Variants in RXFP2 observed in about 807,000 individuals in gnomAD.
The protein encoded by RXFP2 is relaxin family peptide receptor 2.
In RXFP2, 68 loss-of-function variants were observed where a neutral mutation model predicts 88.6. The observed-to-expected ratio is 0.77, with a 90% CI of 0.63 to 0.94. The LOEUF (loss-of-function observed/expected upper bound fraction) is 0.94, where lower values mean the gene tolerates loss of function less well. Among genes scored for constraint, RXFP2 ranks in the 40% least tolerant of loss-of-function variants. The probability of loss-of-function intolerance (pLI) is 0.00; values close to 1 mark genes in which losing one functional copy is unlikely to be tolerated. For synonymous variants in RXFP2, 329 were observed against 306.8 expected (o/e 1.07, Z -0.76); for missense variants, 791 against 893.9 (o/e 0.88, Z 1.47).
chr13:31,765,679 A>G (rs979365582), intron 4 of RXFP2, among the ~76,000 whole-genome samples: 5 of 152,146 alleles, frequency 3.3e-5, no homozygotes, highest in African/African-American at 1.2e-4. Flanking sequence ...TTGGTTTGTT[A>G]ATGCACCCAC....
intron 3 of RXFP2, among the ~76,000 whole-genome samples, chr13:31,762,884 G>A (rs1872365026): frequency 6.6e-6 from 1 of 152,066 alleles, no homozygotes; most frequent in Non-Finnish European, 1.5e-5. Flanking sequence ...TATAGAATGG[G>A]AAATCATCAT....
At chr13:31,751,408 A>G (rs1167044966) in intron 1 of RXFP2, among the ~76,000 whole-genome samples, 3 of 152,210 alleles carry the variant, frequency 2.0e-5, no homozygotes, top group Non-Finnish European at 2.9e-5. Context: ...GGAAGGCTTT[A>G]CTATAGGAAA....
At chr13:31,756,127 C>T (rs1185043603) in intron 1 of RXFP2, among the ~76,000 whole-genome samples, 1 of 152,152 alleles carries the variant, frequency 6.6e-6, no homozygotes, top group African/African-American at 2.4e-5. Flanking sequence ...GTTGCCTAAA[C>T]TCCAACCCCT....
chr13:31,774,776 G>A (rs1404288191), intron 6 of RXFP2, 85 bp downstream of exon 6: 3 of 795,008 alleles, frequency 3.8e-6, no homozygotes, highest in East Asian at 2.4e-5. Flanking sequence ...GGCTCGACTT[G>A]ATTGTAGGGA....
chr13:31,747,787 T>A (rs9594369), intron 1 of RXFP2, among the ~76,000 whole-genome samples: 52,203 of 152,054 alleles, frequency 0.34, 10,075 homozygotes, highest in Admixed American at 0.45. Context: ...CATAGAGGTA[T>A]GTGCAAGATG....
At chr13:31,771,396 G>C (rs1451591319) in intron 5 of RXFP2, among the ~76,000 whole-genome samples, 1 of 152,210 alleles carries the variant, frequency 6.6e-6, no homozygotes, top group Non-Finnish European at 1.5e-5. Context: ...ACACTATTGT[G>C]AACTGCACAT....
intron 2 of RXFP2, 54 bp downstream of exon 2, chr13:31,758,458 A>C (rs1390927890): frequency 2.5e-6 from 4 of 1,590,516 alleles, no homozygotes; most frequent in East Asian, 2.2e-5. Flanking sequence ...ACACCCCAAA[A>C]CTGTGGGTCG....
At chr13:31,788,011 C>G (rs945420057) in intron 13 of RXFP2, among the ~76,000 whole-genome samples, 1 of 152,102 alleles carries the variant, frequency 6.6e-6, no homozygotes, top group African/African-American at 2.4e-5. Context: ...CCAACTTACA[C>G]AAAGCATTGT....
intron 3 of RXFP2, among the ~76,000 whole-genome samples, chr13:31,763,322 C>A (rs1033829933): frequency 7.2e-5 from 11 of 152,008 alleles, no homozygotes; most frequent in Non-Finnish European, 1.0e-4. Context: ...TGGGCTCAAG[C>A]AGTCCACCCA....
intron 3 of RXFP2, among the ~76,000 whole-genome samples, chr13:31,764,630 T>C (rs1872466521): frequency 6.6e-6 from 1 of 152,202 alleles, no homozygotes; most frequent in Non-Finnish European, 1.5e-5. Context: ...ATGAATCTGA[T>C]TTTAAACAAT....
chr13:31,742,148 G>A (rs1871245588), intron 1 of RXFP2, among the ~76,000 whole-genome samples: 1 of 152,122 alleles, frequency 6.6e-6, no homozygotes, highest in Non-Finnish European at 1.5e-5. Context: ...AAAAACATGG[G>A]CTTATGTAAG....
At chr13:31,759,062 G>T (rs1872122394) in intron 2 of RXFP2, among the ~76,000 whole-genome samples, 1 of 135,746 alleles carries the variant, frequency 7.4e-6, no homozygotes, top group African/African-American at 2.7e-5. Flanking sequence ...AAAAAAAAAT[G>T]CATAAAGTGT....
chr13:31,787,407 C>T (rs183766438), intron 13 of RXFP2, among the ~76,000 whole-genome samples: 1 of 152,284 alleles, frequency 6.6e-6, no homozygotes, highest in East Asian at 1.9e-4. Context: ...GATCTGGTCC[C>T]TATTCTTAAG....
At chr13:31,757,352 T>C (rs969625824) in intron 1 of RXFP2, among the ~76,000 whole-genome samples, 1 of 152,050 alleles carries the variant, frequency 6.6e-6, no homozygotes, top group Non-Finnish European at 1.5e-5. Context: ...ACTTCCCTAA[T>C]CCCAAAACAT....
At chr13:31,752,983 A>G (rs1871741028) in intron 1 of RXFP2, among the ~76,000 whole-genome samples, 1 of 152,190 alleles carries the variant, frequency 6.6e-6, no homozygotes, top group South Asian at 2.1e-4. Flanking sequence ...GGCAATTTCT[A>G]TAGCCCCTCT....
intron 17 of RXFP2, 31 bp downstream of exon 17, chr13:31,797,450 T>C (rs921289311): frequency 1.3e-6 from 2 of 1,510,856 alleles, no homozygotes; most frequent in Admixed American, 1.7e-5. Context: ...CCAAGTATAA[T>C]ACATCGTGCC....
rs529950955 is a variant in RXFP2, at chr13:31,786,422, C to T, written c.969C>T (p.His323=). 1.2e-6 allele frequency: 2 copies of T among 1,609,758 alleles called. No homozygotes were observed. The highest frequency in any genetic ancestry group is 2.2e-5 in the East Asian group (1 of 44,830). The change falls in exon 12 of 18, where the codon CAC becomes CAT. Residue 323 remains histidine, a synonymous_variant. Coordinates refer to ENST00000298386, the MANE Select transcript of RXFP2 (RefSeq NM_130806.5). ...ATACGATAACGGAACTATCACCTCACCTTTTTAAAGACTTGAAGCTTCTAC... is the reference window on the plus strand; with the variant it reads ...ATACGATAACGGAACTATCACCTCATCTTTTTAAAGACTTGAAGCTTCTAC... ...SSNTITELSP[H]LFKDLKLLQK...
At chr13:31,794,302 TATC>T (rs760719177) in intron 16 of RXFP2, among the ~76,000 whole-genome samples, 6 of 151,968 alleles carry the variant, frequency 3.9e-5, no homozygotes, top group Non-Finnish European at 8.8e-5. Context: ...TGTATTTCCT[TATC>T]ATTCATTCCC....
chr13:31,762,257 T>G (rs1384135303), intron 3 of RXFP2, among the ~76,000 whole-genome samples: 1 of 152,110 alleles, frequency 6.6e-6, no homozygotes, highest in Non-Finnish European at 1.5e-5. Flanking sequence ...GGGAAGCCCA[T>G]TGGAAGAAAT....
Sources: gnomAD v4.1 joint callset for allele counts (sites outside exome capture counted in the v4.1 genomes callset) on GRCh38, gnomAD v4.1.1 for gene constraint, MANE v1.5 for transcripts, NCBI Gene and HGNC (gene_info 2026-07-23, HGNC 2026-07-21) for gene names.